Variants in ROBO1 observed in about 807,000 individuals in gnomAD.
ROBO1 encodes roundabout homolog 1.
In ROBO1, 149 loss-of-function variants were observed where a neutral mutation model predicts 195.9. The observed-to-expected ratio is 0.76, with a 90% CI of 0.67 to 0.87. The LOEUF (loss-of-function observed/expected upper bound fraction) is 0.87. Among genes scored for constraint, ROBO1 ranks in the 40% least tolerant of loss-of-function variants. The pLI is 0.00. For synonymous variants in ROBO1, 816 were observed against 733.2 expected (o/e 1.11, Z -1.82); for missense variants, 1,933 against 2,068.3 (o/e 0.93, Z 1.27).
At chr3:79,010,368 TGACA>T (rs1042344350) in intron 3 of ROBO1, among the ~76,000 whole-genome samples, 2 of 152,190 alleles carry the variant, frequency 1.3e-5, no homozygotes, top group African/African-American at 4.8e-5. Context: ...TTTTTCATAC[TGACA>T]GACAGGGCTA....
chr3:79,297,282 G>T (rs2032644937), intron 2 of ROBO1, among the ~76,000 whole-genome samples: 1 of 152,068 alleles, frequency 6.6e-6, no homozygotes, highest in Non-Finnish European at 1.5e-5. Context: ...TCTTCAATGG[G>T]TCATTTGTTA....
chr3:79,450,590 A>G (rs187168902), intron 2 of ROBO1, among the ~76,000 whole-genome samples: 377 of 152,214 alleles, frequency 2.5e-3, no homozygotes, highest in African/African-American at 8.5e-3. Flanking sequence ...AACTAAATAG[A>G]GCACTTTGAT....
At chr3:79,144,754 C>T (rs1486673911) in intron 2 of ROBO1, among the ~76,000 whole-genome samples, 1 of 151,760 alleles carries the variant, frequency 6.6e-6, no homozygotes, top group Admixed American at 6.6e-5. Flanking sequence ...TTATGATTCC[C>T]TTTTTCCATT....
chr3:78,680,526 A>T (rs1293478847), intron 10 of ROBO1, among the ~76,000 whole-genome samples: 3 of 152,112 alleles, frequency 2.0e-5, no homozygotes, highest in Non-Finnish European at 4.4e-5. Flanking sequence ...GGCGAAGGAC[A>T]TGAACAGACA....
intron 2 of ROBO1, among the ~76,000 whole-genome samples, chr3:79,514,958 A>G (rs1302047180): frequency 6.6e-6 from 1 of 152,214 alleles, no homozygotes; most frequent in East Asian, 1.9e-4. Flanking sequence ...GCATTTTCCC[A>G]TTTTAGAGAA....
chr3:79,452,295 T>A (rs752591411), intron 2 of ROBO1, among the ~76,000 whole-genome samples: 6 of 152,046 alleles, frequency 3.9e-5, no homozygotes, highest in Non-Finnish European at 7.4e-5. Flanking sequence ...ATGGGGCCCA[T>A]CAACCCTCGT....
At chr3:78,704,606 A>G (rs1333345087) in intron 8 of ROBO1, among the ~76,000 whole-genome samples, 2 of 148,020 alleles carry the variant, frequency 1.4e-5, no homozygotes, top group African/African-American at 5.1e-5. Context: ...ACACACACAC[A>G]CACACACAGA....
At chr3:78,718,143 GT>G (rs2081948659) in intron 5 of ROBO1, among the ~76,000 whole-genome samples, 2 of 152,094 alleles carry the variant, frequency 1.3e-5, no homozygotes, top group Admixed American at 1.3e-4. Context: ...CTAGAAACTT[GT>G]TGCCCAATCG....
At chr3:79,466,274 A>G (rs1414620416) in intron 2 of ROBO1, among the ~76,000 whole-genome samples, 1 of 152,160 alleles carries the variant, frequency 6.6e-6, no homozygotes, top group Non-Finnish European at 1.5e-5. Flanking sequence ...TTTCAATGAT[A>G]TTGTCTAAAT....
intron 2 of ROBO1, among the ~76,000 whole-genome samples, chr3:79,394,901 A>G (rs1365456717): frequency 2.0e-5 from 3 of 152,110 alleles, no homozygotes; most frequent in Non-Finnish European, 4.4e-5. Flanking sequence ...TATTAGGGTA[A>G]CACACATAAA....
At chr3:78,861,864 C>A (rs920762637) in intron 4 of ROBO1, among the ~76,000 whole-genome samples, 1 of 152,112 alleles carries the variant, frequency 6.6e-6, no homozygotes, top group African/African-American at 2.4e-5. Context: ...TTAATACAAG[C>A]TGCTCAAACA....
intron 2 of ROBO1, among the ~76,000 whole-genome samples, chr3:79,208,494 C>T (rs921184862): frequency 6.6e-6 from 1 of 152,074 alleles, no homozygotes; most frequent in Non-Finnish European, 1.5e-5. Flanking sequence ...ATTAAAAGGA[C>T]ACATGACTTG....
chr3:79,223,808 A>C (rs2108833565), intron 2 of ROBO1, among the ~76,000 whole-genome samples: 1 of 152,292 alleles, frequency 6.6e-6, no homozygotes, highest in Non-Finnish European at 1.5e-5. Context: ...ACTCTCCCTT[A>C]GTTTAATGTC....
chr3:79,100,519 T>TA (rs34342856), intron 3 of ROBO1, among the ~76,000 whole-genome samples: 72 of 151,570 alleles, frequency 4.8e-4, no homozygotes, highest in South Asian at 1.5e-3. Flanking sequence ...GGGAATCAAT[T>TA]AAAAAAAACT....
intron 1 of ROBO1, among the ~76,000 whole-genome samples, chr3:79,633,581 C>T (rs7429686): frequency 0.044 from 6,694 of 151,882 alleles, 517 homozygotes; most frequent in African/African-American, 0.15. Flanking sequence ...GTTTTTCTCT[C>T]CAAATCATTA....
Position 78,898,435 on chromosome 3 carries a change from T to C in ROBO1, c.499+40166A>G, listed in dbSNP as rs563332295. On this transcript the variant is annotated intron_variant, in intron 4 of 30. Transcript: ENST00000464233. ...CGGAGTCTTGCTCTGTCGCCCAGGC[T>C]GGAGTGCAGTGGCGTGATCTCGGCT... 4.8e-3 allele frequency among the ~76,000 whole-genome samples: 692 copies of C among 143,470 alleles called. 6 individuals carry two copies. The highest frequency in any genetic ancestry group is 0.017 in the African/African-American group (652 of 38,430). 94.1% of individuals were successfully genotyped at this position (143,470 alleles called of 152,430 possible).
At chr3:79,114,916 G>A (rs1364358416) in intron 3 of ROBO1, among the ~76,000 whole-genome samples, 2 of 152,136 alleles carry the variant, frequency 1.3e-5, no homozygotes, top group African/African-American at 4.8e-5. Context: ...AAATATAATT[G>A]TTCAGTGTTG....
At chr3:79,377,341 C>A (rs959749361) in intron 2 of ROBO1, among the ~76,000 whole-genome samples, 5 of 152,152 alleles carry the variant, frequency 3.3e-5, no homozygotes, top group Admixed American at 2.6e-4. Context: ...CCAATAATTT[C>A]TTGACAGAAT....
At chr3:79,110,600 G>C (rs1035606184) in intron 3 of ROBO1, among the ~76,000 whole-genome samples, 8 of 148,604 alleles carry the variant, frequency 5.4e-5, no homozygotes, top group African/African-American at 9.9e-5. Flanking sequence ...CTTGATTATT[G>C]ATTTGAAGTG....
Sources: gnomAD v4.1 joint callset for allele counts (sites outside exome capture counted in the v4.1 genomes callset) on GRCh38, gnomAD v4.1.1 for gene constraint, MANE v1.5 for transcripts, NCBI Gene and HGNC (gene_info 2026-07-23, HGNC 2026-07-21) for gene names.